ATP8A2: variants seen among roughly 807,000 people sequenced by gnomAD.
ATP8A2 encodes the protein phospholipid-transporting ATPase IB.
Under a neutral mutation model 165.6 loss-of-function variants are expected in ATP8A2, and 100 were observed. That is an observed-to-expected ratio of 0.60 (90% CI 0.51 to 0.71). The LOEUF (loss-of-function observed/expected upper bound fraction) is 0.71, where lower values mean the gene tolerates loss of function less well. ATP8A2 is among the 30% of genes least tolerant of loss of function. ATP8A2 has a pLI of 0.00. For synonymous variants in ATP8A2, 543 were observed against 548.8 expected, an observed-to-expected ratio of 0.99 and a Z score of 0.15; for missense variants, 1,227 against 1,479.5, an observed-to-expected ratio of 0.83 and a Z score of 2.80.
chr13:25,612,000 A>G (rs938865158), intron 24 of ATP8A2, among the ~76,000 whole-genome samples: 7 of 152,000 alleles, frequency 4.6e-5, no homozygotes, highest in Admixed American at 3.3e-4. Context: ...TTTCATTTCT[A>G]ATTGAACTTA....
intron 2 of ATP8A2, among the ~76,000 whole-genome samples, chr13:25,507,135 T>C (rs1233658836): frequency 6.6e-6 from 1 of 151,724 alleles, no homozygotes; most frequent in African/African-American, 2.4e-5. Flanking sequence ...TGGTTGGGAA[T>C]TGACATAGAA....
intron 1 of ATP8A2, among the ~76,000 whole-genome samples, chr13:25,465,846 A>T (rs2137504873): frequency 6.9e-6 from 1 of 145,496 alleles, no homozygotes; most frequent in East Asian, 2.1e-4. Flanking sequence ...CTGGACTCGA[A>T]CTCCTGGGCT....
intron 24 of ATP8A2, among the ~76,000 whole-genome samples, chr13:25,635,595 G>A (rs1259313075): frequency 3.9e-5 from 6 of 152,186 alleles, no homozygotes; most frequent in Non-Finnish European, 8.8e-5. Flanking sequence ...AATACTCCAT[G>A]GAATGATTTC....
At chr13:25,925,854 A>AG (rs1290375180) in intron 33 of ATP8A2, among the ~76,000 whole-genome samples, 1 of 151,722 alleles carries the variant, frequency 6.6e-6, no homozygotes, top group Non-Finnish European at 1.5e-5. Context: ...CAGCCTCCCA[A>AG]GTAGCTGGGA....
At chr13:25,702,434 T>C (rs1177037296) in intron 25 of ATP8A2, among the ~76,000 whole-genome samples, 2 of 152,242 alleles carry the variant, frequency 1.3e-5, no homozygotes, top group African/African-American at 4.8e-5. Context: ...GTTAAAATCC[T>C]AGAGAGGGCA....
chr13:25,760,317 A>C (rs1466514387), intron 25 of ATP8A2, among the ~76,000 whole-genome samples: 1 of 152,218 alleles, frequency 6.6e-6, no homozygotes, highest in East Asian at 1.9e-4. Flanking sequence ...ATATATGTAG[A>C]GAGAGATGGC....
intron 2 of ATP8A2, among the ~76,000 whole-genome samples, chr13:25,522,656 A>C (rs2037707387): frequency 6.6e-6 from 1 of 152,206 alleles, no homozygotes; most frequent in African/African-American, 2.4e-5. Flanking sequence ...TTCAGCATCT[A>C]CTAAAATGAT....
At chr13:25,535,845 T>A (rs1042209310) in intron 6 of ATP8A2, among the ~76,000 whole-genome samples, 8 of 151,758 alleles carry the variant, frequency 5.3e-5, no homozygotes, top group East Asian at 1.9e-4. Flanking sequence ...CAAAAAAAAA[T>A]TTTTTTTCAA....
intron 24 of ATP8A2, among the ~76,000 whole-genome samples, chr13:25,610,457 C>G (rs2040653782): frequency 6.6e-6 from 1 of 152,086 alleles, no homozygotes; most frequent in African/African-American, 2.4e-5. Flanking sequence ...GTTCTGTATT[C>G]TGTTTCATTG....
intron 1 of ATP8A2, among the ~76,000 whole-genome samples, chr13:25,442,856 A>T (rs2034969477): frequency 6.6e-6 from 1 of 152,082 alleles, no homozygotes; most frequent in Non-Finnish European, 1.5e-5. Flanking sequence ...GAAATATTTG[A>T]CCATTCAAGT....
At chr13:25,824,240 G>A (rs1481944675) in intron 27 of ATP8A2, among the ~76,000 whole-genome samples, 2 of 152,164 alleles carry the variant, frequency 1.3e-5, no homozygotes. Flanking sequence ...CCAAAGTGCT[G>A]GGATTACAGA....
At chr13:25,724,151 A>C (rs2043444229) in intron 25 of ATP8A2, among the ~76,000 whole-genome samples, 1 of 152,192 alleles carries the variant, frequency 6.6e-6, no homozygotes, top group Admixed American at 6.5e-5. Context: ...TTGATTTTAC[A>C]CTTGGGAGAC....
At chr13:25,719,590 G>C (rs781234530) in intron 25 of ATP8A2, among the ~76,000 whole-genome samples, 9 of 152,268 alleles carry the variant, frequency 5.9e-5, no homozygotes, top group Non-Finnish European at 1.0e-4. Flanking sequence ...GTTATTTTGA[G>C]ATGAGATGGC....
chr13:25,788,335 T>C (rs2045083590), intron 27 of ATP8A2, among the ~76,000 whole-genome samples: 1 of 152,262 alleles, frequency 6.6e-6, no homozygotes, highest in Non-Finnish European at 1.5e-5. Context: ...ATTATGGCAT[T>C]GTTAAGAGCT....
At position 25,855,120 on chromosome 13, in the gene ATP8A2, G is replaced by A. The variant is rs529740351; in HGVS notation, c.2957-5075G>A. On this transcript the variant is annotated intron_variant, in intron 30 of 36. Transcript: ENST00000381655. ...ACAAAAATCAGCTGGGTGTGGTGGCGCATGCCTGTAATCCCAGCTACTTGG... is the reference window on the plus strand; with the variant it reads ...ACAAAAATCAGCTGGGTGTGGTGGCACATGCCTGTAATCCCAGCTACTTGG... Among the ~76,000 whole-genome samples the A allele has an allele frequency of 2.6e-4, 39 of 151,934 alleles. No homozygotes were observed. In the South Asian group the frequency reaches 4.8e-3, roughly 19 times the overall value.
At chr13:25,414,699 A>G (rs1445540735) in intron 1 of ATP8A2, among the ~76,000 whole-genome samples, 1 of 152,266 alleles carries the variant, frequency 6.6e-6, no homozygotes, top group African/African-American at 2.4e-5. Flanking sequence ...TTAAATATTA[A>G]TAATCCCACT....
At chr13:25,859,072 G>T (rs190797771) in intron 30 of ATP8A2, among the ~76,000 whole-genome samples, 32 of 151,838 alleles carry the variant, frequency 2.1e-4, no homozygotes, top group African/African-American at 6.5e-4. Flanking sequence ...GCATGGTGGC[G>T]GGCACCTGTA....
At chr13:25,535,275 A>G (rs1021200102) in intron 6 of ATP8A2, among the ~76,000 whole-genome samples, 1 of 152,186 alleles carries the variant, frequency 6.6e-6, no homozygotes, top group African/African-American at 2.4e-5. Flanking sequence ...TGAAGTGCTG[A>G]AGCTCAGATC....
At chr13:25,513,407 G>A (rs1419086984) in intron 2 of ATP8A2, among the ~76,000 whole-genome samples, 3 of 143,252 alleles carry the variant, frequency 2.1e-5, no homozygotes, top group Non-Finnish European at 3.2e-5. Context: ...GATGGCGGCC[G>A]GGAAGAGGCG....
Sources: gnomAD v4.1 joint callset for allele counts (sites outside exome capture counted in the v4.1 genomes callset) on GRCh38, gnomAD v4.1.1 for gene constraint, MANE v1.5 for transcripts, NCBI Gene and HGNC (gene_info 2026-07-23, HGNC 2026-07-21) for gene names.